Variants in EML1 observed in about 807,000 individuals in gnomAD.
EML1 encodes the protein EMAP like 1.
Under a neutral mutation model 110.4 loss-of-function variants are expected in EML1, and 27 were observed. The observed-to-expected ratio is 0.24, with a 90% CI of 0.18 to 0.34. The LOEUF is 0.34. Among genes scored for constraint, EML1 ranks in the 10% least tolerant of loss-of-function variants. The pLI, the probability that EML1 is intolerant of heterozygous loss-of-function variation, is 1.00. For missense variants in EML1, 741 were observed against 1,030.9 expected, an observed-to-expected ratio of 0.72 and a Z score of 3.85; for synonymous variants, 344 against 385.8, an observed-to-expected ratio of 0.89 and a Z score of 1.27.
At chr14:99,750,034 C>A (rs28576468) in intron 1 of EML1, among the ~76,000 whole-genome samples, 18,062 of 152,278 alleles carry the variant, frequency 0.12, 1,146 homozygotes, top group Middle Eastern at 0.18. Context: ...TTGGCTCTTT[C>A]TGCCCCTTAT....
At chr14:99,823,602 G>T (rs957157165) in intron 1 of EML1, among the ~76,000 whole-genome samples, 2 of 152,082 alleles carry the variant, frequency 1.3e-5, no homozygotes, top group Non-Finnish European at 2.9e-5. Context: ...TTCTTCCTGC[G>T]TAGATTGAGT....
chr14:99,849,515 GTGTGTGTGTGTGTGTA>G (rs2058756049), intron 1 of EML1, among the ~76,000 whole-genome samples: 2 of 132,600 alleles, frequency 1.5e-5, no homozygotes, highest in Non-Finnish European at 1.7e-5. Flanking sequence ...TTGTGTGTGT[GTGTGTGTGTGTGTGTA>G]TATATATTTA....
chr14:99,831,889 C>T (rs1322487055), intron 1 of EML1, among the ~76,000 whole-genome samples: 2 of 149,828 alleles, frequency 1.3e-5, no homozygotes, highest in East Asian at 2.0e-4. Flanking sequence ...AACAAAAAAG[C>T]TTTCTTGAGG....
At chr14:99,737,778 A>G (rs1262498270) in exon 1 of EML1, 2 of 1,287,764 alleles carry the variant, frequency 1.6e-6, no homozygotes, top group Non-Finnish European at 2.0e-6. Context: ...ACAGCCGCTG[A>G]GGCTCTGAGT....
In EML1 at chr14:99,905,327, G is replaced by A. The variant is rs765587230; in HGVS notation, c.1009-2311G>A. Among the ~76,000 whole-genome samples the A allele has an allele frequency of 5.3e-5, 8 of 152,342 alleles. No individual in the cohort carries two copies. The highest frequency in any genetic ancestry group is 2.1e-4 in the South Asian group (1 of 4,830). On this transcript the variant is annotated intron_variant, in intron 9 of 21. Coordinates refer to ENST00000262233, the MANE Select transcript of EML1 (RefSeq NM_004434.3). The surrounding 1 kb of genome is among the most constrained non-coding windows in gnomAD (Gnocchi z 4.1). ...AGACATGCCCCTGGTCGGCCCCATC[G>A]TTGTTAATCCAGCCTCCAACCAGGA...
chr14:99,909,988 TC>T (rs2059920041), intron 11 of EML1, among the ~76,000 whole-genome samples: 1 of 152,118 alleles, frequency 6.6e-6, no homozygotes, highest in African/African-American at 2.4e-5. Context: ...CCGCTTGCTG[TC>T]TGCAGCTTTA....
intron 17 of EML1, among the ~76,000 whole-genome samples, chr14:99,928,436 C>A (rs961186048): frequency 2.0e-5 from 3 of 151,892 alleles, no homozygotes; most frequent in African/African-American, 4.8e-5. Flanking sequence ...TACCTATAGC[C>A]CTTTCTCTCA....
At chr14:99,938,773 T>G (rs2060521295) in intron 20 of EML1, among the ~76,000 whole-genome samples, 1 of 152,148 alleles carries the variant, frequency 6.6e-6, no homozygotes, top group African/African-American at 2.4e-5. Context: ...TAAAAGGCCT[T>G]TGGAGAGACC....
rs577789183 is a variant in EML1 at position 99,855,994 on chromosome 14, C to T, written c.250+4959C>T. Among the ~76,000 whole-genome samples the T allele has an allele frequency of 6.6e-5, 10 of 152,306 alleles. No homozygotes were observed. The East Asian group carries it at 1.7e-3, about 26-fold the overall frequency. ...GCACTTAACACTGATATTCAGAATA[C>T]TACTCATAGGTACCATGTATTGATT... is the stretch of plus-strand genomic sequence containing the variant. On this transcript the variant is annotated intron_variant, in intron 2 of 21. Coordinates refer to ENST00000262233, the MANE Select transcript of EML1 (RefSeq NM_004434.3).
At chr14:99,794,318 C>G (rs2057728899) in intron 1 of EML1, among the ~76,000 whole-genome samples, 2 of 150,962 alleles carry the variant, frequency 1.3e-5, no homozygotes, top group South Asian at 4.2e-4. Context: ...TGTGATAATT[C>G]ACGCACAAAA....
chr14:99,878,041 A>G (rs1016567346), intron 3 of EML1, among the ~76,000 whole-genome samples: 3 of 150,310 alleles, frequency 2.0e-5, no homozygotes, highest in South Asian at 2.1e-4. Flanking sequence ...TTAATACTCT[A>G]TTTTCTTTGC....
chr14:99,851,630 C>A (rs1840765698), intron 2 of EML1, among the ~76,000 whole-genome samples: 1 of 152,170 alleles, frequency 6.6e-6, no homozygotes, highest in Non-Finnish European at 1.5e-5. Context: ...TATCAGGATT[C>A]TCTGGGATGG....
intron 1 of EML1, among the ~76,000 whole-genome samples, chr14:99,837,823 A>G (rs538586511): frequency 6.6e-6 from 1 of 152,206 alleles, no homozygotes; most frequent in South Asian, 2.1e-4. Flanking sequence ...TGTTTTTGAG[A>G]GAGGCTTACT....
At chr14:99,919,425 G>GACAC (rs376238109) in intron 16 of EML1, among the ~76,000 whole-genome samples, 5,997 of 97,452 alleles carry the variant, frequency 0.062, 408 homozygotes, top group African/African-American at 0.17. Context: ...CATGCACACA[G>GACAC]ACACACACAC....
At chr14:99,849,527 G>C (rs2058756827) in intron 1 of EML1, among the ~76,000 whole-genome samples, 1 of 142,942 alleles carries the variant, frequency 7.0e-6, no homozygotes, top group South Asian at 2.2e-4. Flanking sequence ...GTGTGTGTGT[G>C]TGTATATATA....
intron 1 of EML1, among the ~76,000 whole-genome samples, chr14:99,750,977 TC>T (rs1027329552): frequency 1.3e-5 from 2 of 151,770 alleles, no homozygotes; most frequent in African/African-American, 2.4e-5. Flanking sequence ...GGCCTCGGTT[TC>T]CCCCCCTGTG....
chr14:99,823,739 G>A (rs559104895), intron 1 of EML1, among the ~76,000 whole-genome samples: 9 of 152,240 alleles, frequency 5.9e-5, no homozygotes, highest in South Asian at 2.1e-4. Flanking sequence ...AAGTGAACAA[G>A]AGAGTTCCCT....
intron 17 of EML1, among the ~76,000 whole-genome samples, chr14:99,931,505 C>T (rs2060367269): frequency 6.6e-6 from 1 of 152,208 alleles, no homozygotes; most frequent in Non-Finnish European, 1.5e-5. Flanking sequence ...CTGCCCTGAG[C>T]ACCTGGACTC....
At chr14:99,833,329 G>A (rs1055722107) in intron 1 of EML1, among the ~76,000 whole-genome samples, 1 of 152,148 alleles carries the variant, frequency 6.6e-6, no homozygotes, top group African/African-American at 2.4e-5. Context: ...AAAGGTATCG[G>A]TCTGTTTCTT....
Sources: allele counts gnomAD v4.1 joint callset (sites outside exome capture counted in the v4.1 genomes callset), GRCh38; gene constraint gnomAD v4.1.1; non-coding constraint Gnocchi (gnomAD v3.1); transcripts MANE v1.5; gene names NCBI Gene and HGNC (gene_info 2026-07-23, HGNC 2026-07-21).